SP140: variants seen among roughly 807,000 people sequenced by gnomAD.
SP140 encodes SP140 nuclear body protein.
In SP140, 81 loss-of-function variants were observed where a neutral mutation model predicts 125.0. The observed-to-expected ratio is 0.65, with a 90% CI of 0.54 to 0.78. The LOEUF is 0.78. Ranked by LOEUF, SP140 falls within the 30% of genes least tolerant of loss-of-function variation. The pLI is 0.00. For missense variants in SP140, 858 were observed against 1,037.0 expected (o/e 0.83, Z 2.37); for synonymous variants, 312 against 354.0 (o/e 0.88, Z 1.33).
intron 5 of SP140, among the ~76,000 whole-genome samples, chr2:230,244,059 T>C (rs952580295): frequency 1.3e-5 from 2 of 152,206 alleles, no homozygotes; most frequent in African/African-American, 4.8e-5. Context: ...CCACTTACTT[T>C]CTCTAGAGAA....
rs760525934 is a variant in SP140 at position 230,287,933 on chromosome 2, G to A, written c.1687G>A (p.Asp563Asn). 1.9e-6 allele frequency: 3 copies of A among 1,612,536 alleles called. No individual in the cohort carries two copies. The highest frequency in any genetic ancestry group is 1.7e-6 in the Non-Finnish European group (2 of 1,179,740). Residue 563 changes from aspartate (D) to asparagine (N), a missense_variant, in exon 18 of 27, where the codon GAC (aspartate) becomes AAC (asparagine). Physicochemically the swap from Asp to Asn is conservative, Grantham distance 23. Transcript: ENST00000392045. ...GKPGTRFTQSDRAAQKRVRSR... is the reference protein window; with the variant it reads ...GKPGTRFTQSNRAAQKRVRSR... ...ACCTGGAACCCGCTTCACTCAGAGT[G>A]ACAGAGCTGCACAGAAAAGAGTCCG...
chr2:230,260,223 G>C (rs2051995767), intron 12 of SP140, among the ~76,000 whole-genome samples: 1 of 152,066 alleles, frequency 6.6e-6, no homozygotes, highest in African/African-American at 2.4e-5. Flanking sequence ...TATGTTCATT[G>C]GCCATTTGTA....
In SP140 at chr2:230,272,348, G is replaced by T. The variant is rs1488627010; in HGVS notation, c.1498+1709G>T. On this transcript the variant is annotated intron_variant, in intron 15 of 26. Coordinates refer to ENST00000392045, the MANE Select transcript of SP140 (RefSeq NM_007237.5). The stretch of plus-strand genomic sequence containing the variant: ...GGGCTACATTAACTGATATGGTTTG[G>T]CTGTGTCCCCACTCAAATCTCATCT... Among the ~76,000 whole-genome samples the T allele has an allele frequency of 4.6e-5, 7 of 152,256 alleles. No individual in the cohort carries two copies. The East Asian group carries it at 7.7e-4, about 17-fold the overall frequency.
Position 230,245,877 on chromosome 2 carries a change from G to T in SP140, c.679G>T (p.Ala227Ser), listed in dbSNP as rs1182971784. Residue 227 changes from alanine (A) to serine (S), a missense_variant, in exon 7 of 27, where the codon GCT becomes TCT. By Grantham distance (99) the Ala-to-Ser change is moderately conservative (BLOSUM62 1). Transcript: ENST00000392045. Reference sequence around the variant, plus strand: ...TCACTCTGCAGTGTCCTGTAAACTTGCTATACAAATAGATGAAGGAGAATC... The same window carrying T: ...TCACTCTGCAGTGTCCTGTAAACTTTCTATACAAATAGATGAAGGAGAATC... ...LPGGGVSCKLAIQIDEGESEE... is the reference protein window; with the variant it reads ...LPGGGVSCKLSIQIDEGESEE... 1 of 1,606,030 alleles carries T rather than the reference G, an allele frequency of 6.2e-7. No homozygotes were observed. The highest frequency in any genetic ancestry group is 8.5e-7 in the Non-Finnish European group (1 of 1,172,682).
At chr2:230,309,305 G>C (rs1299065053) in intron 22 of SP140, among the ~76,000 whole-genome samples, 1 of 152,200 alleles carries the variant, frequency 6.6e-6, no homozygotes, top group Non-Finnish European at 1.5e-5. Flanking sequence ...AAGTCAAGGG[G>C]GATGTATGCC....
chr2:230,251,724 A>G (rs973059761), intron 10 of SP140, among the ~76,000 whole-genome samples: 1 of 152,124 alleles, frequency 6.6e-6, no homozygotes, highest in African/African-American at 2.4e-5. Flanking sequence ...ACTAAATGCT[A>G]TTTTTGACCA....
At chr2:230,292,619 C>T in intron 19 of SP140, 27 bp from the exon 20 acceptor site, 1 of 1,613,760 alleles carries the variant, frequency 6.2e-7, no homozygotes, top group Non-Finnish European at 8.5e-7. Flanking sequence ...AAAGAGGGCT[C>T]AGGATCAAGT....
intron 18 of SP140, among the ~76,000 whole-genome samples, chr2:230,289,423 T>A (rs992267749): frequency 1.3e-5 from 2 of 152,152 alleles, no homozygotes; most frequent in Admixed American, 6.5e-5. Flanking sequence ...AGGCCAACCA[T>A]CTTTCTTATT....
chr2:230,220,020 G>T (rs1364491529), intron 3 of SP140: 2 of 985,492 alleles, frequency 2.0e-6, no homozygotes, highest in Non-Finnish European at 2.4e-6. Flanking sequence ...GGGCTTCCGA[G>T]AAAAGAAAAG....
At position 230,313,152 on chromosome 2, in the gene SP140, G is replaced by C. The variant is rs914901810; in HGVS notation, c.*468G>C. ...GAGTGTCCATCATCTGACTCTTCTC[G>C]GAGTCTCATATTTTGTGGGACTCCT... is the stretch of plus-strand genomic sequence containing the variant. On this transcript the variant is annotated 3_prime_UTR_variant, in exon 27 of 27. Coordinates refer to ENST00000392045, the MANE Select transcript of SP140 (RefSeq NM_007237.5). The C allele has an allele frequency of 6.4e-6, 1 of 155,334 alleles. No individual in the cohort carries two copies. The highest frequency in any genetic ancestry group is 1.4e-5 in the Non-Finnish European group (1 of 70,580). 9.6% of individuals were successfully genotyped at this position (155,334 alleles called of 1,614,324 possible). A position where few individuals can be genotyped will look rare whatever the true frequency, so the allele number is the denominator to read the frequency against.
chr2:230,223,019 G>A (rs1409870993), upstream of SP140, among the ~76,000 whole-genome samples: 1 of 150,462 alleles, frequency 6.6e-6, no homozygotes, highest in Admixed American at 6.6e-5. Flanking sequence ...TGATCAGCAT[G>A]ATGTCATCAA....
chr2:230,297,649 G>A (rs1171115505), intron 22 of SP140, among the ~76,000 whole-genome samples, 187 bp downstream of exon 22: 2 of 152,178 alleles, frequency 1.3e-5, no homozygotes, highest in African/African-American at 2.4e-5. Flanking sequence ...CATTATGAAA[G>A]CACCCTTTCC....
Position 230,308,680 on chromosome 2 carries a change from AT to A in SP140, c.2059-1242del, listed in dbSNP as rs766404329. On this transcript the variant is annotated intron_variant, in intron 22 of 26. Transcript: ENST00000392045. ...AGAGTGTGATTGGCTTGTTTGAATA[AT>A]TCCATGGCTGGCAGGGAAATGAAAT... Among the ~76,000 whole-genome samples, 74 of 152,352 alleles carry A rather than the reference AT, an allele frequency of 4.9e-4. No individual in the cohort carries two copies. The Middle Eastern group carries it at 0.01, about 21-fold the overall frequency.
the SP140 span, among the ~76,000 whole-genome samples, chr2:230,197,779 A>C: frequency 6.6e-6 from 1 of 152,072 alleles, no homozygotes; most frequent in African/African-American, 2.4e-5. Context: ...CAGTTTTCCC[A>C]GCACCATTTA....
At chr2:230,308,544 TG>T (rs1438105187) in intron 22 of SP140, among the ~76,000 whole-genome samples, 2 of 152,040 alleles carry the variant, frequency 1.3e-5, no homozygotes, top group Non-Finnish European at 2.9e-5. Context: ...GGTAGCCCGG[TG>T]GGGGTGGGCA....
At chr2:230,263,142 A>G (rs891111582) in intron 12 of SP140, among the ~76,000 whole-genome samples, 3 of 152,086 alleles carry the variant, frequency 2.0e-5, no homozygotes, top group Admixed American at 6.6e-5. Context: ...GGGAGCCCCA[A>G]TGTTAGGTGC....
chr2:230,202,961 T>A (rs2043327088), upstream of SP140: 1 of 562,166 alleles, frequency 1.8e-6, no homozygotes, highest in African/African-American at 1.9e-5. Context: ...TATGACCTGT[T>A]GCAATCAACT....
At chr2:230,242,440 T>C (rs2149145637) in intron 4 of SP140, among the ~76,000 whole-genome samples, 1 of 152,302 alleles carries the variant, frequency 6.6e-6, no homozygotes, top group Middle Eastern at 3.4e-3. Context: ...GATACTCAGA[T>C]TTCAATAGAT....
At chr2:230,272,275 A>G (rs570807690) in intron 15 of SP140, among the ~76,000 whole-genome samples, 4 of 152,342 alleles carry the variant, frequency 2.6e-5, no homozygotes, top group Admixed American at 2.6e-4. Flanking sequence ...CTAAGCAAAA[A>G]GAACAAAGCT....
Sources: allele counts gnomAD v4.1 joint callset (sites outside exome capture counted in the v4.1 genomes callset), GRCh38; gene constraint gnomAD v4.1.1; transcripts MANE v1.5; gene names NCBI Gene and HGNC (gene_info 2026-07-23, HGNC 2026-07-21).